Variants in TIAM1 observed in about 807,000 individuals in gnomAD.
TIAM1 encodes rho guanine nucleotide exchange factor TIAM1.
TIAM1 carries 65 observed loss-of-function variants against 163.5 expected under a neutral mutation model. The ratio of observed to expected loss-of-function variants is 0.40; its 90% CI spans 0.33 to 0.49. The LOEUF (loss-of-function observed/expected upper bound fraction) is 0.49. Among genes scored for constraint, TIAM1 ranks in the 20% least tolerant of loss-of-function variants. The pLI, the probability that TIAM1 is intolerant of heterozygous loss-of-function variation, is 0.77. For synonymous variants in TIAM1, 833 were observed against 810.1 expected, an observed-to-expected ratio of 1.03 and a Z score of -0.48; for missense variants, 1,789 against 2,044.7, an observed-to-expected ratio of 0.87 and a Z score of 2.41.
At chr21:31,166,344 G>T (rs1402692308) in intron 15 of TIAM1, among the ~76,000 whole-genome samples, 1 of 152,228 alleles carries the variant, frequency 6.6e-6, no homozygotes, top group South Asian at 2.1e-4. Context: ...AATGGGAGCA[G>T]AAGGAGCCCC....
At chr21:31,137,414 G>C (rs78089497) in intron 22 of TIAM1, among the ~76,000 whole-genome samples, 1,840 of 152,204 alleles carry the variant, frequency 0.012, 43 homozygotes, top group African/African-American at 0.042. Flanking sequence ...TAGATATTAA[G>C]TAACTCATCA....
At chr21:31,405,096 A>G (rs1351716316) in intron 2 of TIAM1, among the ~76,000 whole-genome samples, 1 of 152,036 alleles carries the variant, frequency 6.6e-6, no homozygotes, top group Non-Finnish European at 1.5e-5. Flanking sequence ...AAATAAAAAA[A>G]TTAGCCAGAT....
In TIAM1 at chr21:31,266,296, C is replaced by G; in HGVS notation, c.677G>C (p.Cys226Ser). ...TRASPRQLST[C>S]QRANSLGDLY... ...GTCACCCAAGGAATTGGCTCTCTGA[C>G]AGGTGCTGAGCTGCCGCGGACTCGC... Residue 226 changes from cysteine to serine, a missense_variant, in exon 4 of 28, where the codon TGT (cysteine) becomes TCT (serine). By Grantham distance (112) the Cys-to-Ser change is moderately radical (BLOSUM62 -1). Coordinates refer to ENST00000541036, the MANE Select transcript of TIAM1 (RefSeq NM_001353694.2). 6.2e-7 allele frequency: 1 copy of G among 1,614,252 alleles called. No individual in the cohort carries two copies. The highest frequency in any genetic ancestry group is 2.2e-5 in the East Asian group (1 of 44,874).
intron 4 of TIAM1, among the ~76,000 whole-genome samples, chr21:31,264,368 A>G (rs571453030): frequency 3.3e-5 from 5 of 152,292 alleles, no homozygotes; most frequent in Admixed American, 6.5e-5. Context: ...CGAGTCCTCA[A>G]CCCATATGCC....
intron 2 of TIAM1, among the ~76,000 whole-genome samples, chr21:31,277,875 C>G (rs951229531): frequency 2.6e-5 from 4 of 152,162 alleles, no homozygotes; most frequent in African/African-American, 4.8e-5. Context: ...AATGATGCAA[C>G]ATTTGGATAC....
chr21:31,197,778 A>G (rs897668936), intron 12 of TIAM1, among the ~76,000 whole-genome samples: 8 of 152,174 alleles, frequency 5.3e-5, no homozygotes, highest in Non-Finnish European at 1.0e-4. Flanking sequence ...CGTGATGTCC[A>G]TTTTACAAAT....
intron 3 of TIAM1, among the ~76,000 whole-genome samples, chr21:31,276,528 CT>C (rs1485001186): frequency 6.6e-6 from 1 of 152,182 alleles, no homozygotes; most frequent in Non-Finnish European, 1.5e-5. Flanking sequence ...TAGGCACCTA[CT>C]TTGTCTTTTC....
intron 2 of TIAM1, among the ~76,000 whole-genome samples, chr21:31,433,483 C>G (rs1163385268): frequency 6.6e-6 from 1 of 152,190 alleles, no homozygotes; most frequent in Non-Finnish European, 1.5e-5. Flanking sequence ...ACTTCAACTG[C>G]AATAATGCTT....
At chr21:31,469,984 G>C (rs1290576324) in intron 1 of TIAM1, among the ~76,000 whole-genome samples, 2 of 148,932 alleles carry the variant, frequency 1.3e-5, no homozygotes, top group Non-Finnish European at 3.0e-5. Flanking sequence ...TGTTACGAGT[G>C]TCAGTGAAAA....
intron 7 of TIAM1, among the ~76,000 whole-genome samples, chr21:31,224,821 A>C (rs2087844461): frequency 6.6e-6 from 1 of 152,216 alleles, no homozygotes; most frequent in South Asian, 2.1e-4. Flanking sequence ...AATATCATTT[A>C]TTCATGTAAT....
chr21:31,517,551 A>G (rs1481742623), intron 1 of TIAM1, among the ~76,000 whole-genome samples: 1 of 152,214 alleles, frequency 6.6e-6, no homozygotes, highest in Non-Finnish European at 1.5e-5. Flanking sequence ...CACACGCAGA[A>G]GAGGAAAAAG....
chr21:31,267,069 G>C, intron 3 of TIAM1, 86 bp from the exon 4 acceptor site: 1 of 1,496,876 alleles, frequency 6.7e-7, no homozygotes. Context: ...AGCCTGCAGG[G>C]AGGGCAGAAC....
At position 31,442,072 on chromosome 21, in the gene TIAM1, T is replaced by A. The variant is rs1365016698; in HGVS notation, c.-369+21911A>T. Reference sequence around the variant, plus strand: ...CCCTATCTCAGAACAAATAAATAAATATATATATATATATAGAACAATAAG... The same window carrying A: ...CCCTATCTCAGAACAAATAAATAAAAATATATATATATATAGAACAATAAG... On this transcript the variant is annotated intron_variant, in intron 2 of 28. Transcript: ENST00000286827. 2.4e-3 allele frequency among the ~76,000 whole-genome samples: 246 copies of A among 102,624 alleles called. 14 individuals are homozygous for A. Among genetic ancestry groups the A allele is most frequent in the African/African-American group, 9.5e-3 (232 of 24,354 alleles). 67.3% of individuals were successfully genotyped at this position (102,624 alleles called of 152,430 possible).
chr21:31,507,713 G>A (rs1455510132), intron 1 of TIAM1, among the ~76,000 whole-genome samples: 1 of 152,202 alleles, frequency 6.6e-6, no homozygotes, highest in Non-Finnish European at 1.5e-5. Context: ...GGGACAGACA[G>A]GAATCAGATC....
rs757612875 is a variant in TIAM1, at chr21:31,118,831, G to C, written c.*1537C>G. The stretch of plus-strand genomic sequence containing the variant: ...TCGAAGCCCTGGAAACCCGAAAGGC[G>C]GGGGGAATACAGGGTGGGAACGCAG... On this transcript the variant is annotated 3_prime_UTR_variant, in exon 28 of 28. Transcript: ENST00000541036. The C allele has an allele frequency of 2.8e-6, 1 of 351,130 alleles. No homozygotes were observed. The highest frequency in any genetic ancestry group is 5.6e-6 in the Non-Finnish European group (1 of 179,656). 21.8% of individuals were successfully genotyped at this position (351,130 alleles called of 1,614,324 possible).
At chr21:31,424,544 A>G (rs193151860) in intron 2 of TIAM1, among the ~76,000 whole-genome samples, 10 of 152,372 alleles carry the variant, frequency 6.6e-5, no homozygotes, top group African/African-American at 2.4e-4. Flanking sequence ...AGTTGCAAAA[A>G]GAGAAATCCT....
In TIAM1 at chr21:31,266,069, T is replaced by C. The variant is rs776190953; in HGVS notation, c.904A>G (p.Thr302Ala). The change falls in exon 4 of 28, where the codon ACC becomes GCC. Residue 302 changes from threonine (T) to alanine (A), a missense_variant. Transcript: ENST00000541036. ...RKSHCLSEGATNPQISHSNSM... is the reference protein window; with the variant it reads ...RKSHCLSEGAANPQISHSNSM... Reference sequence around the variant, plus strand: ...TTGCTATGGCTAATTTGTGGGTTGGTGGCACCTTCAGAGAGACAGTGAGAT... The same window carrying C: ...TTGCTATGGCTAATTTGTGGGTTGGCGGCACCTTCAGAGAGACAGTGAGAT... 6.2e-7 allele frequency: 1 copy of C among 1,614,118 alleles called. No homozygotes were observed.
chr21:31,473,457 A>AC (rs2045825920), intron 1 of TIAM1, among the ~76,000 whole-genome samples: 3 of 132,646 alleles, frequency 2.3e-5, no homozygotes, highest in Admixed American at 7.5e-5. Flanking sequence ...AAAAAAAAAA[A>AC]AAAAAAAAAC....
Position 31,256,588 on chromosome 21 carries a change from TACACACACAC to T in TIAM1, c.964-4409_964-4400del, listed in dbSNP as rs5030999. Among the ~76,000 whole-genome samples, 441 of 128,244 alleles carry T rather than the reference TACACACACAC, an allele frequency of 3.4e-3. 4 individuals carry two copies. The highest frequency in any genetic ancestry group is 0.011 in the African/African-American group (388 of 34,000). The allele number at this position is 128,244 out of a possible 152,430, so 84.1% of individuals were successfully genotyped here. A position where few individuals can be genotyped will look rare whatever the true frequency, so the allele number is the denominator to read the frequency against. On this transcript the variant is annotated intron_variant, in intron 4 of 27. Transcript: ENST00000541036. Reference sequence around the variant, plus strand: ...CCCCAAAATATTAAGTACCCCTCACTACACACACACACACACACACACACACACACACACA... The same window carrying T: ...CCCCAAAATATTAAGTACCCCTCACTACACACACACACACACACACACACA...
Sources: allele counts gnomAD v4.1 joint callset (sites outside exome capture counted in the v4.1 genomes callset), GRCh38; gene constraint gnomAD v4.1.1; transcripts MANE v1.5; gene names NCBI Gene and HGNC (gene_info 2026-07-23, HGNC 2026-07-21).